The following CCDC3 variants were observed in gnomAD, a reference collection of about 807,000 sequenced individuals.
The protein encoded by CCDC3 is coiled-coil domain-containing protein 3.
Under a neutral mutation model 21.4 loss-of-function variants are expected in CCDC3, and 24 were observed. The observed-to-expected ratio is 1.12, with a 90% confidence interval of 0.81 to 1.58. The LOEUF (loss-of-function observed/expected upper bound fraction) is 1.58, where lower values mean the gene tolerates loss of function less well. Ranked by LOEUF, CCDC3 falls within the 40% of genes most tolerant of loss-of-function variation. The pLI is 0.00. For missense variants in CCDC3, 425 were observed against 360.9 expected, an observed-to-expected ratio of 1.18 and a Z score of -1.44; for synonymous variants, 186 against 166.0, an observed-to-expected ratio of 1.12 and a Z score of -0.93.
At chr10:13,034,861 C>G (rs944321869) in intron 5 of CCDC3, among the ~76,000 whole-genome samples, 1 of 151,804 alleles carries the variant, frequency 6.6e-6, no homozygotes, top group Non-Finnish European at 1.5e-5. Context: ...CCCATCTTTA[C>G]TAAAAATACA....
chr10:12,955,589 A>C (rs1410051215), intron 2 of CCDC3, among the ~76,000 whole-genome samples: 1 of 151,998 alleles, frequency 6.6e-6, no homozygotes, highest in Non-Finnish European at 1.5e-5. Flanking sequence ...GTCTTGATCT[A>C]TCACCCAGGC....
At chr10:12,948,651 A>C (rs1834959446) in intron 2 of CCDC3, among the ~76,000 whole-genome samples, 1 of 151,750 alleles carries the variant, frequency 6.6e-6, no homozygotes, top group African/African-American at 2.4e-5. Context: ...CAACACCTTA[A>C]ATTACTAGAA....
intron 3 of CCDC3, among the ~76,000 whole-genome samples, chr10:13,090,075 A>C (rs1268755394): frequency 1.1e-3 from 89 of 79,268 alleles, no homozygotes; most frequent in Non-Finnish European, 1.5e-3. Flanking sequence ...ATATATATAT[A>C]TATCACCGTT....
At chr10:13,046,249 T>C (rs1289638741) in intron 5 of CCDC3, among the ~76,000 whole-genome samples, 1 of 150,762 alleles carries the variant, frequency 6.6e-6, no homozygotes, top group African/African-American at 2.4e-5. Context: ...CTACAACAAA[T>C]AAAAACATTA....
intron 2 of CCDC3, among the ~76,000 whole-genome samples, chr10:12,986,514 C>G (rs972012926): frequency 6.6e-6 from 1 of 152,148 alleles, no homozygotes; most frequent in African/African-American, 2.4e-5. Context: ...GTGGTTCACG[C>G]CTGTAATCCC....
chr10:12,984,822 T>C (rs1835562154), intron 2 of CCDC3, among the ~76,000 whole-genome samples: 1 of 152,176 alleles, frequency 6.6e-6, no homozygotes. Context: ...TAGTGTAAGA[T>C]TTTCTGTATA....
At chr10:12,966,174 C>G (rs1280443350) in intron 2 of CCDC3, among the ~76,000 whole-genome samples, 1 of 151,786 alleles carries the variant, frequency 6.6e-6, no homozygotes, top group African/African-American at 2.4e-5. Flanking sequence ...CTCAACCTTA[C>G]TCAGTTACCA....
chr10:12,973,360 G>A (rs76527655), intron 2 of CCDC3, among the ~76,000 whole-genome samples: 381 of 152,258 alleles, frequency 2.5e-3, no homozygotes, highest in African/African-American at 8.6e-3. Flanking sequence ...GAATGGAGGG[G>A]GAGGAGGCTC....
intron 4 of CCDC3, among the ~76,000 whole-genome samples, chr10:13,059,366 T>C (rs1389375934): frequency 6.6e-6 from 1 of 152,188 alleles, no homozygotes; most frequent in East Asian, 1.9e-4. Context: ...GAAGTAAGTT[T>C]TTACTGGTTA....
At chr10:12,958,296 G>A (rs13377044) in intron 2 of CCDC3, among the ~76,000 whole-genome samples, 77,716 of 151,880 alleles carry the variant, frequency 0.51, 22,595 homozygotes, top group Non-Finnish European at 0.65. Context: ...GTTGTGTGAG[G>A]TGGCAATTTC....
At chr10:12,933,258 A>G (rs563011181) in intron 2 of CCDC3, among the ~76,000 whole-genome samples, 46 of 152,174 alleles carry the variant, frequency 3.0e-4, no homozygotes, top group Non-Finnish European at 5.6e-4. Context: ...AGTAGCATTT[A>G]CCAGTGAATC....
intron 5 of CCDC3, among the ~76,000 whole-genome samples, chr10:13,042,906 CAAAAAAAAA>C (rs55911312): frequency 2.0e-5 from 2 of 100,424 alleles, no homozygotes; most frequent in Non-Finnish European, 3.8e-5. Flanking sequence ...GAGACTGTCT[CAAAAAAAAA>C]AAAAAAAAAA....
At chr10:13,090,065 A>G (rs1308778681) in intron 3 of CCDC3, among the ~76,000 whole-genome samples, 1 of 59,362 alleles carries the variant, frequency 1.7e-5, no homozygotes, top group African/African-American at 7.2e-5. Flanking sequence ...ATATATATAT[A>G]TATATATATA....
intron 4 of CCDC3, among the ~76,000 whole-genome samples, chr10:13,061,707 T>C (rs1133847): frequency 0.39 from 59,855 of 152,086 alleles, 11,878 homozygotes; most frequent in African/African-American, 0.42. Flanking sequence ...TTAAACATTT[T>C]CTGGCTGCCA....
chr10:12,985,290 C>T (rs530163806), intron 2 of CCDC3, among the ~76,000 whole-genome samples: 24 of 152,286 alleles, frequency 1.6e-4, no homozygotes, highest in East Asian at 9.6e-4. Context: ...ATGCTGGCAA[C>T]GAGGCAGGGA....
At chr10:12,901,657 A>G (rs954953652) in intron 2 of CCDC3, among the ~76,000 whole-genome samples, 10 of 152,206 alleles carry the variant, frequency 6.6e-5, no homozygotes, top group African/African-American at 2.4e-4. Flanking sequence ...GGAGGATTTC[A>G]TGAGTTTTAC....
chr10:13,010,553 C>T (rs569359881), intron 5 of CCDC3, among the ~76,000 whole-genome samples: 2 of 152,184 alleles, frequency 1.3e-5, no homozygotes, highest in Non-Finnish European at 2.9e-5. Flanking sequence ...CTTTGGAAAA[C>T]AACTTGACAG....
chr10:12,967,110 T>C (rs1034980472), intron 2 of CCDC3, among the ~76,000 whole-genome samples: 1 of 152,126 alleles, frequency 6.6e-6, no homozygotes, highest in African/African-American at 2.4e-5. Flanking sequence ...CTCTCCACCT[T>C]CTCCCATAAA....
chr10:12,986,780 AAAAACAAAAAAAC>A (rs1252872090), intron 2 of CCDC3, among the ~76,000 whole-genome samples: 1 of 84,560 alleles, frequency 1.2e-5, no homozygotes, highest in East Asian at 3.6e-4. Context: ...CTCAAAAAAA[AAAAACAAAAAAAC>A]AAAAACAAAA....
Sources: allele counts gnomAD v4.1 joint callset (sites outside exome capture counted in the v4.1 genomes callset), GRCh38; gene constraint gnomAD v4.1.1; transcripts MANE v1.5; gene names NCBI Gene and HGNC (gene_info 2026-07-23, HGNC 2026-07-21).